PTPRD: variants seen among roughly 807,000 people sequenced by gnomAD.
PTPRD encodes the protein protein tyrosine phosphatase receptor type D.
Under a neutral mutation model 214.5 loss-of-function variants are expected in PTPRD, and 34 were observed. That is an observed-to-expected ratio of 0.16 (90% confidence interval 0.12 to 0.21). The LOEUF is 0.21. Among genes scored for constraint, PTPRD ranks in the 10% least tolerant of loss-of-function variants. The probability of loss-of-function intolerance (pLI) is 1.00; values close to 1 mark genes in which losing one functional copy is unlikely to be tolerated. For missense variants in PTPRD, 2,545 were observed against 2,398.7 expected (o/e 1.06, Z -1.27); for synonymous variants, 1,128 against 845.7 (o/e 1.33, Z -5.79).
chr9:9,368,172 T>C (rs542764966), intron 9 of PTPRD, among the ~76,000 whole-genome samples: 49 of 151,910 alleles, frequency 3.2e-4, no homozygotes, highest in Admixed American at 5.9e-4. Flanking sequence ...ACGTTAGACC[T>C]GCATTTATAT....
intron 10 of PTPRD, among the ~76,000 whole-genome samples, chr9:9,057,850 T>C (rs1460126747): frequency 1.3e-5 from 2 of 152,086 alleles, no homozygotes; most frequent in African/African-American, 4.8e-5. Context: ...TCAAGGTATG[T>C]GCAAAGAATG....
At chr9:10,469,448 A>T (rs1423746791) in intron 2 of PTPRD, among the ~76,000 whole-genome samples, 3 of 152,204 alleles carry the variant, frequency 2.0e-5, no homozygotes, top group African/African-American at 7.2e-5. Context: ...AGATCATTAA[A>T]GATAGCAATG....
chr9:9,986,882 G>C (rs1027543367), intron 4 of PTPRD, among the ~76,000 whole-genome samples: 1 of 115,798 alleles, frequency 8.6e-6, no homozygotes, highest in African/African-American at 3.2e-5. Context: ...TATGTTAATA[G>C]TGTAGATTTC....
intron 12 of PTPRD, among the ~76,000 whole-genome samples, chr9:8,663,381 A>AAAC (rs2097104272): frequency 6.6e-6 from 1 of 151,118 alleles, no homozygotes; most frequent in African/African-American, 2.5e-5. Context: ...TTTATTTACC[A>AAAC]AACTAAAAAA....
At chr9:10,201,624 T>C (rs1463300160) in intron 3 of PTPRD, among the ~76,000 whole-genome samples, 1 of 151,946 alleles carries the variant, frequency 6.6e-6, no homozygotes, top group Non-Finnish European at 1.5e-5. Context: ...TTTCTTTATC[T>C]GTTTTATTTC....
At chr9:8,626,291 AC>A (rs1181098357) in intron 14 of PTPRD, among the ~76,000 whole-genome samples, 1 of 151,640 alleles carries the variant, frequency 6.6e-6, no homozygotes, top group Non-Finnish European at 1.5e-5. Flanking sequence ...ATTTTAGTAA[AC>A]TCCTTTGTAA....
rs996231020 is a variant in PTPRD at position 8,315,330 on chromosome 9, G to T, written c.*2544C>A. 4.3e-6 allele frequency: 1 copy of T among 232,450 alleles called. No homozygotes were observed. Among genetic ancestry groups the T allele is most frequent in the African/African-American group, 2.2e-5 (1 of 45,256 alleles). 14.4% of individuals were successfully genotyped at this position (232,450 alleles called of 1,614,324 possible). On this transcript the variant is annotated 3_prime_UTR_variant, in exon 46 of 46. Transcript: ENST00000381196. ...TGTCATCTTTCCCTTTGCCAAATGG[G>T]CAGTTATTGTTTCAGGGAGAGAAGC...
At chr9:8,737,612 TA>T (rs1248403431) in intron 11 of PTPRD, among the ~76,000 whole-genome samples, 2 of 151,924 alleles carry the variant, frequency 1.3e-5, no homozygotes, top group Non-Finnish European at 2.9e-5. Flanking sequence ...ATTTGTCCAA[TA>T]GCCTCAGCAG....
chr9:9,867,972 C>G (rs991597265), intron 5 of PTPRD, among the ~76,000 whole-genome samples: 10 of 152,124 alleles, frequency 6.6e-5, no homozygotes, highest in South Asian at 2.1e-4. Context: ...TGCACATGAG[C>G]TGAATAGCTA....
chr9:9,871,157 A>G (rs1224229872), intron 5 of PTPRD, among the ~76,000 whole-genome samples: 1 of 152,182 alleles, frequency 6.6e-6, no homozygotes, highest in East Asian at 1.9e-4. Flanking sequence ...CAAAAATTAG[A>G]AAGAAAATAA....
chr9:10,193,474 C>T (rs1208579069), intron 3 of PTPRD, among the ~76,000 whole-genome samples: 1 of 152,022 alleles, frequency 6.6e-6, no homozygotes, highest in Non-Finnish European at 1.5e-5. Context: ...AGCATGGGAA[C>T]AGAGTAATTG....
chr9:9,280,481 A>G (rs1409248387), intron 9 of PTPRD, among the ~76,000 whole-genome samples: 2 of 151,350 alleles, frequency 1.3e-5, no homozygotes, highest in Non-Finnish European at 3.0e-5. Context: ...TTTATATACC[A>G]ACAATGAAAA....
chr9:9,766,613 T>C (rs1393922109), intron 6 of PTPRD, among the ~76,000 whole-genome samples, 197 bp downstream of exon 6: 1 of 152,150 alleles, frequency 6.6e-6, no homozygotes, highest in East Asian at 1.9e-4. Flanking sequence ...TAAGGCTTTC[T>C]GTACCCAGGC....
intron 7 of PTPRD, among the ~76,000 whole-genome samples, chr9:9,681,081 T>A (rs554343307): frequency 1.3e-5 from 2 of 151,840 alleles, no homozygotes; most frequent in Non-Finnish European, 2.9e-5. Flanking sequence ...GATTTCAAAA[T>A]AAGCATATGT....
chr9:8,969,545 T>C (rs1567308289), intron 11 of PTPRD, among the ~76,000 whole-genome samples: 2 of 151,992 alleles, frequency 1.3e-5, no homozygotes, highest in Admixed American at 1.3e-4. Context: ...TCCAGCAATA[T>C]GGATGAAATT....
intron 2 of PTPRD, among the ~76,000 whole-genome samples, chr9:10,565,478 T>A (rs947188365): frequency 6.6e-6 from 1 of 152,104 alleles, no homozygotes; most frequent in African/African-American, 2.4e-5. Flanking sequence ...CAGTTTATGA[T>A]CTGGTAAAGG....
chr9:8,516,887 T>G (rs951538121), intron 21 of PTPRD, among the ~76,000 whole-genome samples: 1 of 147,798 alleles, frequency 6.8e-6, no homozygotes, highest in African/African-American at 2.5e-5. Context: ...CACTGCAAAC[T>G]TGCAAACTCC....
chr9:10,141,865 C>T (rs2098987888), intron 3 of PTPRD, among the ~76,000 whole-genome samples: 1 of 152,134 alleles, frequency 6.6e-6, no homozygotes, highest in Non-Finnish European at 1.5e-5. Context: ...TACAAGGCTA[C>T]AGTAACCAAA....
chr9:9,276,932 T>G (rs1175740244), intron 9 of PTPRD, among the ~76,000 whole-genome samples: 1 of 151,340 alleles, frequency 6.6e-6, no homozygotes, highest in African/African-American at 2.4e-5. Context: ...CCTGGAAAGT[T>G]ACTTCCTTCA....
Sources: gnomAD v4.1 joint callset for allele counts (sites outside exome capture counted in the v4.1 genomes callset) on GRCh38, gnomAD v4.1.1 for gene constraint, MANE v1.5 for transcripts, NCBI Gene and HGNC (gene_info 2026-07-23, HGNC 2026-07-21) for gene names.